Variants in MAP2K4 observed in about 807,000 individuals in gnomAD.
MAP2K4 encodes dual specificity mitogen-activated protein kinase kinase 4.
A neutral mutation model predicts 48.5 loss-of-function variants in MAP2K4; 4 were observed. That is an observed-to-expected ratio of 0.08 (90% CI 0.04 to 0.19). MAP2K4 has a LOEUF of 0.19. MAP2K4 is among the 10% of genes least tolerant of loss of function. The probability of loss-of-function intolerance (pLI) is 1.00; values close to 1 mark genes in which losing one functional copy is unlikely to be tolerated. For missense variants in MAP2K4, 258 were observed against 493.3 expected (o/e 0.52, Z 4.52); for synonymous variants, 166 against 173.1 (o/e 0.96, Z 0.32).
intron 1 of MAP2K4, among the ~76,000 whole-genome samples, chr17:12,030,092 C>T (rs1969384634): frequency 6.6e-6 from 1 of 152,108 alleles, no homozygotes. Context: ...TTTGCCCATC[C>T]TTACCCTTTG....
At chr17:12,056,518 G>A (rs915334992) in intron 2 of MAP2K4, among the ~76,000 whole-genome samples, 2 of 152,002 alleles carry the variant, frequency 1.3e-5, no homozygotes, top group Admixed American at 6.6e-5. Context: ...TTTCTTCCCA[G>A]CAAGTATTTA....
chr17:12,109,897 GCAGAAGGAT>G (rs748322921), intron 5 of MAP2K4, among the ~76,000 whole-genome samples: 19 of 151,962 alleles, frequency 1.3e-4, no homozygotes, highest in Non-Finnish European at 1.8e-4. Flanking sequence ...AGAGGCCGAG[GCAGAAGGAT>G]CGCTTGAGCC....
At chr17:12,033,791 T>G (rs980843736) in intron 1 of MAP2K4, among the ~76,000 whole-genome samples, 3 of 152,056 alleles carry the variant, frequency 2.0e-5, no homozygotes, top group Non-Finnish European at 4.4e-5. Flanking sequence ...AAAATCTAAT[T>G]AATGAAAAAA....
At position 12,087,326 on chromosome 17, in the gene MAP2K4, T is replaced by G. The variant is rs557881270; in HGVS notation, c.393+5796T>G. ...ATTGTCGTAAGTACTGAAATGATGA[T>G]CTGTCATTTATGGTCTTCAGACCCT... On this transcript the variant is annotated intron_variant, in intron 3 of 10. Coordinates refer to ENST00000353533, the MANE Select transcript of MAP2K4 (RefSeq NM_003010.4). 1.2e-4 allele frequency among the ~76,000 whole-genome samples: 19 copies of G among 152,340 alleles called. No homozygotes were observed. The South Asian group carries it at 3.9e-3, about 32-fold the overall frequency.
chr17:12,028,392 AG>A (rs1969326658), intron 1 of MAP2K4, among the ~76,000 whole-genome samples: 1 of 152,236 alleles, frequency 6.6e-6, no homozygotes, highest in Non-Finnish European at 1.5e-5. Context: ...AGTTTCAGAA[AG>A]TTGACATAAG....
chr17:12,115,614 G>A, intron 7 of MAP2K4: 7 of 735,992 alleles, frequency 9.5e-6, no homozygotes, highest in Non-Finnish European at 7.6e-6. Flanking sequence ...TTGTAAAAGA[G>A]GCTATAGAAA....
intron 9 of MAP2K4, among the ~76,000 whole-genome samples, chr17:12,130,769 G>A (rs550764179): frequency 6.6e-6 from 1 of 152,144 alleles, no homozygotes; most frequent in Admixed American, 6.5e-5. Flanking sequence ...CATTCTTTCT[G>A]CCACTCTTTG....
At chr17:12,092,604 A>C (rs1484178629) in intron 3 of MAP2K4, among the ~76,000 whole-genome samples, 4 of 152,220 alleles carry the variant, frequency 2.6e-5, no homozygotes, top group African/African-American at 7.2e-5. Flanking sequence ...ACTAATTTGA[A>C]GTTACTGCTA....
At chr17:12,095,927 G>GTGTGTA (rs919908493) in intron 4 of MAP2K4, among the ~76,000 whole-genome samples, 9 of 143,734 alleles carry the variant, frequency 6.3e-5, no homozygotes, top group African/African-American at 2.3e-4. Context: ...GTGTGTGTGT[G>GTGTGTA]TATTTTAGTA....
rs1971191080 is a variant in MAP2K4 at position 12,081,709 on chromosome 17, T to C, written c.393+179T>C. 1.3e-5 allele frequency among the ~76,000 whole-genome samples: 2 copies of C among 152,236 alleles called. No homozygotes were observed. Among genetic ancestry groups the C allele is most frequent in the African/African-American group, 2.4e-5 (1 of 41,458 alleles). On this transcript the variant is annotated intron_variant, in intron 3 of 10. Transcript: ENST00000353533. The surrounding 1 kb of genome is among the most constrained non-coding windows in gnomAD (Gnocchi z 4.2). ...GGTTTCTTATTGGTGGCACATTTTC[T>C]ATCTCTTTGGAAACATGAGTGTATG...
At chr17:12,062,446 T>C (rs1970478963) in intron 2 of MAP2K4, among the ~76,000 whole-genome samples, 1 of 152,170 alleles carries the variant, frequency 6.6e-6, no homozygotes, top group African/African-American at 2.4e-5. Context: ...GTGATTCTCC[T>C]ACCTTAGCCT....
intron 4 of MAP2K4, among the ~76,000 whole-genome samples, chr17:12,104,005 T>G (rs1972028094): frequency 6.6e-6 from 1 of 152,190 alleles, no homozygotes; most frequent in East Asian, 1.9e-4. Flanking sequence ...TTTGACAACT[T>G]AGGTTACAGA....
chr17:12,033,444 G>A (rs920648895), intron 1 of MAP2K4, among the ~76,000 whole-genome samples: 1 of 152,050 alleles, frequency 6.6e-6, no homozygotes, highest in South Asian at 2.1e-4. Context: ...TTGAAATGTA[G>A]TTAGCAAAAA....
In MAP2K4 at chr17:12,132,061, A is replaced by T. The variant is rs1372453292; in HGVS notation, c.1040+2774A>T. ...TACCACTATAATTACCAGAATGACC[A>T]CAGTTTAAAATACTGACAGTACCAA... On this transcript the variant is annotated intron_variant, in intron 9 of 10. Transcript: ENST00000353533. Among the ~76,000 whole-genome samples the T allele has an allele frequency of 2.6e-5, 4 of 152,204 alleles. No homozygotes were observed. In the East Asian group the frequency reaches 7.7e-4, roughly 29 times the overall value.
Position 12,050,336 on chromosome 17 carries a change from A to G in MAP2K4, c.116-4553A>G, listed in dbSNP as rs55865210. Among the ~76,000 whole-genome samples, 963 of 152,346 alleles carry G rather than the reference A, an allele frequency of 6.3e-3. 15 individuals are homozygous for G. The highest frequency in any genetic ancestry group is 0.022 in the African/African-American group (930 of 41,574). On this transcript the variant is annotated intron_variant, in intron 1 of 10. Coordinates refer to ENST00000353533, the MANE Select transcript of MAP2K4 (RefSeq NM_003010.4). ...TGTTATAGGTGATTTGCAGAGTTCA[A>G]AGATAAATCAAGATAGTTAAAAATT...
intron 7 of MAP2K4, among the ~76,000 whole-genome samples, chr17:12,118,827 A>T (rs1161862449): frequency 6.6e-6 from 1 of 152,222 alleles, no homozygotes; most frequent in South Asian, 2.1e-4. Flanking sequence ...ACTAAGACAC[A>T]GTCATGCCTG....
At chr17:12,109,603 A>G (rs892543463) in intron 5 of MAP2K4, among the ~76,000 whole-genome samples, 2 of 152,202 alleles carry the variant, frequency 1.3e-5, no homozygotes, top group African/African-American at 4.8e-5. Context: ...ATCAGTGACC[A>G]GGCAACAGGA....
At chr17:12,050,731 G>A (rs1970114209) in intron 1 of MAP2K4, among the ~76,000 whole-genome samples, 1 of 152,116 alleles carries the variant, frequency 6.6e-6, no homozygotes, top group Non-Finnish European at 1.5e-5. Context: ...AGAATATTCA[G>A]GGCTCTTTAT....
chr17:12,037,854 T>C (rs1232353422), intron 1 of MAP2K4, among the ~76,000 whole-genome samples: 7 of 152,140 alleles, frequency 4.6e-5, no homozygotes, highest in African/African-American at 1.7e-4. Context: ...TCTCATACTT[T>C]ATGCTTATAC....
Sources: gnomAD v4.1 joint callset for allele counts (sites outside exome capture counted in the v4.1 genomes callset) on GRCh38, gnomAD v4.1.1 for gene constraint, Gnocchi (gnomAD v3.1) non-coding constraint, MANE v1.5 for transcripts, NCBI Gene and HGNC (gene_info 2026-07-23, HGNC 2026-07-21) for gene names.